UBE2V1: variants seen among roughly 807,000 people sequenced by gnomAD.
UBE2V1 encodes ubiquitin conjugating enzyme E2 V1, also known as ubiquitin-conjugating enzyme E2 variant 1.
In UBE2V1, 15 loss-of-function variants were observed where a neutral mutation model predicts 19.6. The observed-to-expected ratio is 0.77, with a 90% CI of 0.51 to 1.18. The LOEUF (loss-of-function observed/expected upper bound fraction) is 1.18, where lower values mean the gene tolerates loss of function less well. Among genes scored for constraint, UBE2V1 ranks in the 50% most tolerant of loss-of-function variants. The pLI, the probability that UBE2V1 is intolerant of heterozygous loss-of-function variation, is 0.00. For missense variants in UBE2V1, 125 were observed against 184.8 expected, an observed-to-expected ratio of 0.68 and a Z score of 1.88; for synonymous variants, 60 against 60.7, an observed-to-expected ratio of 0.99 and a Z score of 0.05.
At position 50,096,697 on chromosome 20, in the gene UBE2V1, G is replaced by C; in HGVS notation, c.146C>G (p.Thr49Arg). The C allele has an allele frequency of 6.2e-7, 1 of 1,613,986 alleles. No homozygotes were observed. Among genetic ancestry groups the C allele is most frequent in the South Asian group, 1.1e-5 (1 of 91,064 alleles). Residue 49 changes from threonine (T) to arginine (R), a missense_variant, in exon 2 of 4, where the codon ACA becomes AGA. This residue lies in a region of UBE2V1 where 19 missense variants were observed against 53.5 expected (regional missense o/e 0.35). Transcript: ENST00000371674. ...TCTTGGAGGCCCAATTATCATCCCT[G>C]TCCATCTTGTAAGTGTCATGTCTTC... ...DDEDMTLTRW[T>R]GMIIGPPRTI...
chr20:50,114,595 C>T (rs921877089), upstream of UBE2V1, among the ~76,000 whole-genome samples: 5 of 152,186 alleles, frequency 3.3e-5, no homozygotes, highest in African/African-American at 1.2e-4. Context: ...ATTATAATCT[C>T]ACCAGGACAA....
chr20:50,103,320 A>G (rs2080132084), intron 1 of UBE2V1, among the ~76,000 whole-genome samples: 1 of 152,246 alleles, frequency 6.6e-6, no homozygotes, highest in African/African-American at 2.4e-5. Context: ...TTGAAAATAC[A>G]AGAGAGAAAC....
At chr20:50,113,162 C>T (rs760092884), upstream of UBE2V1, 6 of 1,305,982 alleles carry the variant, frequency 4.6e-6, no homozygotes, top group South Asian at 2.3e-5. Context: ...CCGGCCCCTT[C>T]TTCACCCCCC....
At chr20:50,089,982 C>T (rs529698416) in intron 2 of UBE2V1, among the ~76,000 whole-genome samples, 1 of 152,260 alleles carries the variant, frequency 6.6e-6, no homozygotes, top group East Asian at 1.9e-4. Context: ...ACCAGGCTTG[C>T]CCCTGCCCCG....
chr20:50,113,137 G>T lies in UBE2V1; in HGVS notation c.-9C>A. ...CCCGTGGTGGCTGCCATCTTGCGTC[G>T]CTCTTGCTTGAAGGCCGGCCCCTTC... On this transcript the variant is annotated 5_prime_UTR_variant, in exon 1 of 4. Transcript: ENST00000371674. 1 of 1,368,586 alleles carries T rather than the reference G, an allele frequency of 7.3e-7. No individual in the cohort carries two copies. The highest frequency in any genetic ancestry group is 9.5e-7 in the Non-Finnish European group (1 of 1,047,960). 84.8% of individuals were successfully genotyped at this position (1,368,586 alleles called of 1,614,324 possible).
intron 1 of UBE2V1, among the ~76,000 whole-genome samples, chr20:50,097,414 T>C (rs1454672410): frequency 6.6e-6 from 1 of 152,220 alleles, no homozygotes; most frequent in Non-Finnish European, 1.5e-5. Context: ...TGGTTCTCAA[T>C]TGTTTTCCAA....
rs947986591 is a variant in UBE2V1 at position 50,111,596 on chromosome 20, C to T, written c.22+1511G>A. The T allele has an allele frequency of 9.0e-6, 9 of 999,994 alleles. No individual in the cohort carries two copies. The African/African-American group carries it at 1.2e-4, about 14-fold the overall frequency. The allele number at this position is 999,994 out of a possible 1,614,324, so 61.9% of individuals were successfully genotyped here. On this transcript the variant is annotated intron_variant, in intron 1 of 3. Coordinates refer to ENST00000371674, the MANE Select transcript of UBE2V1 (RefSeq NM_001032288.3). The stretch of plus-strand genomic sequence containing the variant: ...AAAATCGAGTAAAAGGATTCATGGT[C>T]TCCGCTATTCTGCAAGAAGACCCCA...
Position 50,113,136 on chromosome 20 carries a change from C to A in UBE2V1, c.-8G>T, listed in dbSNP as rs527935643. ...GCCCGTGGTGGCTGCCATCTTGCGT[C>A]GCTCTTGCTTGAAGGCCGGCCCCTT... is the stretch of plus-strand genomic sequence containing the variant. On this transcript the variant is annotated 5_prime_UTR_variant, in exon 1 of 4. Transcript: ENST00000371674. 1 of 1,373,372 alleles carries A rather than the reference C, an allele frequency of 7.3e-7. No homozygotes were observed. The highest frequency in any genetic ancestry group is 9.5e-7 in the Non-Finnish European group (1 of 1,050,368). The allele number at this position is 1,373,372 out of a possible 1,614,324, so 85.1% of individuals were successfully genotyped here.
chr20:50,115,132 C>T (rs1306689433), upstream of UBE2V1: 4 of 197,824 alleles, frequency 2.0e-5, no homozygotes, highest in Admixed American at 6.0e-5. Flanking sequence ...GCACAGCCTG[C>T]GCCTCTGAGA....
intron 1 of UBE2V1, among the ~76,000 whole-genome samples, chr20:50,108,480 C>T (rs1037106329): frequency 2.0e-5 from 3 of 152,264 alleles, no homozygotes; most frequent in South Asian, 2.1e-4. Context: ...AACGATCATC[C>T]GGCCAAGAGC....
upstream of UBE2V1, chr20:50,115,433 T>C (rs766762711): frequency 6.8e-7 from 1 of 1,471,478 alleles, no homozygotes; most frequent in Non-Finnish European, 9.1e-7. Flanking sequence ...TTGGGGTCAC[T>C]GTAAAGCATC....
At chr20:50,106,810 G>A (rs2080391650) in intron 1 of UBE2V1, among the ~76,000 whole-genome samples, 1 of 151,076 alleles carries the variant, frequency 6.6e-6, no homozygotes, top group Non-Finnish European at 1.5e-5. Flanking sequence ...ACTCCAGCCT[G>A]GGCAACAAGA....
chr20:50,089,214 A>C (rs2079088852), intron 2 of UBE2V1, among the ~76,000 whole-genome samples: 2 of 152,290 alleles, frequency 1.3e-5, no homozygotes, highest in East Asian at 3.9e-4. Context: ...GGAGTTTACC[A>C]GGGTTGAGTT....
At chr20:50,109,143 G>GT (rs1263991468) in intron 1 of UBE2V1, 2 of 985,312 alleles carry the variant, frequency 2.0e-6, no homozygotes, top group African/African-American at 3.5e-5. Context: ...AACATCACAG[G>GT]TAAGTCGAAG....
At chr20:50,112,914 AG>A (rs1302368035) in intron 1 of UBE2V1, among the ~76,000 whole-genome samples, 192 bp downstream of exon 1, 1 of 150,890 alleles carries the variant, frequency 6.6e-6, no homozygotes, top group Non-Finnish European at 1.5e-5. Flanking sequence ...CAGGCCCCTC[AG>A]CCCCCCGCCC....
At chr20:50,085,624 G>A (rs140584826) in intron 2 of UBE2V1, among the ~76,000 whole-genome samples, 17 of 152,242 alleles carry the variant, frequency 1.1e-4, no homozygotes, top group African/African-American at 3.6e-4. Flanking sequence ...AATTGCTCCC[G>A]TGTAAACAGC....
intron 1 of UBE2V1, among the ~76,000 whole-genome samples, chr20:50,106,995 T>C (rs2080430361): frequency 6.6e-6 from 1 of 152,098 alleles, no homozygotes; most frequent in Non-Finnish European, 1.5e-5. Flanking sequence ...AGGAATCTGA[T>C]GCTGCTCCCA....
chr20:50,111,068 G>A (rs2080719698), intron 1 of UBE2V1, among the ~76,000 whole-genome samples: 2 of 152,172 alleles, frequency 1.3e-5, no homozygotes, highest in Admixed American at 6.5e-5. Context: ...AGCTCCCGAA[G>A]GATACAGACT....
chr20:50,094,024 ATAATAAT>A (rs1336351991), intron 2 of UBE2V1, among the ~76,000 whole-genome samples: 7 of 119,236 alleles, frequency 5.9e-5, no homozygotes, highest in Admixed American at 2.6e-4. Flanking sequence ...AATAATAATA[ATAATAAT>A]AAAATATATA....
Sources: gnomAD v4.1 joint callset for allele counts (sites outside exome capture counted in the v4.1 genomes callset) on GRCh38, gnomAD v4.1.1 for gene constraint, gnomAD v4.1.1 regional missense constraint, MANE v1.5 for transcripts, NCBI Gene and HGNC (gene_info 2026-07-23, HGNC 2026-07-21) for gene names.